Variants in DAB1 observed in about 807,000 individuals in gnomAD.
DAB1 encodes the protein disabled homolog 1.
A neutral mutation model predicts 64.6 loss-of-function variants in DAB1; 15 were observed. That is an observed-to-expected ratio of 0.23 (90% CI 0.16 to 0.36). The LOEUF is 0.36. Among genes scored for constraint, DAB1 ranks in the 10% least tolerant of loss-of-function variants. DAB1 has a pLI of 1.00. For missense variants in DAB1, 596 were observed against 706.7 expected (o/e 0.84, Z 1.78); for synonymous variants, 235 against 251.9 (o/e 0.93, Z 0.64).
chr1:57,069,237 T>C lies in DAB1; in HGVS notation c.663+123A>G, dbSNP rs534857619. The C allele has an allele frequency of 9.2e-6, 7 of 761,836 alleles. No individual in the cohort carries two copies. The African/African-American group carries it at 1.0e-4, about 11-fold the overall frequency. 47.2% of individuals were successfully genotyped at this position (761,836 alleles called of 1,614,324 possible). A position where few individuals can be genotyped will look rare whatever the true frequency, so the allele number is the denominator to read the frequency against. On this transcript the variant is annotated intron_variant, in intron 8 of 14. Transcript: ENST00000371236. ...AATTGCTGGGGAACTAGAAGCCATT[T>C]CACTCAAAGGTATTTTAACAAGCCA...
intron 9 of DAB1, among the ~76,000 whole-genome samples, chr1:57,044,437 AAACGAT>A (rs1445857140): frequency 2.0e-5 from 3 of 152,208 alleles, no homozygotes; most frequent in Admixed American, 2.0e-4. Context: ...AGAAACTATA[AAACGAT>A]AACAAAAAAG....
intron 2 of DAB1, among the ~76,000 whole-genome samples, chr1:57,168,775 G>T (rs1211904249): frequency 6.6e-6 from 1 of 152,162 alleles, no homozygotes; most frequent in Non-Finnish European, 1.5e-5. Context: ...AGAGAAATCA[G>T]CTGGGTGCAG....
chr1:57,441,070 C>CA (rs936716690), intron 7 of DAB1, among the ~76,000 whole-genome samples: 87 of 148,586 alleles, frequency 5.9e-4, no homozygotes, highest in African/African-American at 1.1e-3. Context: ...CCCATAAAGA[C>CA]AAAAAAAAAT....
At chr1:57,488,762 A>G (rs1363789158) in intron 7 of DAB1, among the ~76,000 whole-genome samples, 1 of 152,174 alleles carries the variant, frequency 6.6e-6, no homozygotes, top group South Asian at 2.1e-4. Context: ...AGTAACATAC[A>G]TAGCTAGACT....
intron 9 of DAB1, among the ~76,000 whole-genome samples, chr1:57,054,371 T>C (rs1278391783): frequency 2.6e-5 from 4 of 151,934 alleles, no homozygotes; most frequent in Admixed American, 6.6e-5. Flanking sequence ...CTGTGGGACC[T>C]GAGTCATGTT....
rs573467686 is a variant in DAB1, at chr1:57,356,462, C to T, written c.-136-65296G>A. On this transcript the variant is annotated intron_variant, in intron 1 of 14. Coordinates refer to ENST00000371236, the MANE Select transcript of DAB1 (RefSeq NM_001365792.1). ...TTGTTTTATGCTTTTGATGATATCA[C>T]ATTTATTTCCACTCCTTGGGAAGCT... Among the ~76,000 whole-genome samples the T allele has an allele frequency of 3.3e-5, 5 of 152,164 alleles. No individual in the cohort carries two copies. The East Asian group carries it at 9.7e-4, about 29-fold the overall frequency.
intron 5 of DAB1, among the ~76,000 whole-genome samples, chr1:58,121,382 A>T (rs1405720278): frequency 6.6e-6 from 1 of 152,098 alleles, no homozygotes; most frequent in African/African-American, 2.4e-5. Flanking sequence ...TTCTGATTGT[A>T]AAAGGGCTAC....
intron 7 of DAB1, among the ~76,000 whole-genome samples, chr1:57,434,487 G>C (rs1234647367): frequency 6.6e-6 from 1 of 152,198 alleles, no homozygotes; most frequent in Non-Finnish European, 1.5e-5. Flanking sequence ...GTGGAGATAG[G>C]TTACCTGGAA....
intron 1 of DAB1, among the ~76,000 whole-genome samples, chr1:57,342,496 T>C (rs370104295): frequency 4.9e-4 from 74 of 152,262 alleles, no homozygotes; most frequent in African/African-American, 1.8e-3. Context: ...AACAAAAAAA[T>C]AAAAGCAATA....
At chr1:57,127,215 A>G (rs1657200560) in intron 4 of DAB1, among the ~76,000 whole-genome samples, 1 of 152,228 alleles carries the variant, frequency 6.6e-6, no homozygotes, top group Non-Finnish European at 1.5e-5. Flanking sequence ...TAGACTCCAT[A>G]TAAAGCAATC....
At chr1:57,869,592 T>C (rs928566486) in intron 1 of DAB1, among the ~76,000 whole-genome samples, 18 of 151,984 alleles carry the variant, frequency 1.2e-4, no homozygotes, top group African/African-American at 4.1e-4. Flanking sequence ...CACAAGGTAA[T>C]AGAAGTCAAA....
At chr1:58,375,205 T>G (rs907396847) in intron 3 of DAB1, among the ~76,000 whole-genome samples, 10 of 148,468 alleles carry the variant, frequency 6.7e-5, no homozygotes, top group East Asian at 3.9e-4. Flanking sequence ...TGGCCAGAAC[T>G]TCCAACACTA....
At chr1:58,256,198 T>C (rs1660924744) in intron 4 of DAB1, among the ~76,000 whole-genome samples, 1 of 152,238 alleles carries the variant, frequency 6.6e-6, no homozygotes, top group Non-Finnish European at 1.5e-5. Context: ...TTCACTATCA[T>C]TGGCATTGTT....
At chr1:57,513,883 T>C (rs1247215728) in intron 7 of DAB1, among the ~76,000 whole-genome samples, 12 of 151,732 alleles carry the variant, frequency 7.9e-5, no homozygotes, top group Non-Finnish European at 1.5e-5. Context: ...GTGACCACCA[T>C]TTCACTCTCT....
chr1:58,484,214 T>G lies in DAB1; in HGVS notation n.257+21846A>C, dbSNP rs534495791. Among the ~76,000 whole-genome samples the G allele has an allele frequency of 7.2e-5, 11 of 152,354 alleles. No individual in the cohort carries two copies. In the South Asian group the frequency reaches 2.3e-3, roughly 32 times the overall value. On this transcript the variant is annotated intron_variant and non_coding_transcript_variant, in intron 3 of 20. Transcript: ENST00000485760. ...CTTTGTATTTCTCCGTTACTGGGCATTAGAATTGTTCCCACAGTTGTGTCT... is the reference window on the plus strand; with the variant it reads ...CTTTGTATTTCTCCGTTACTGGGCAGTAGAATTGTTCCCACAGTTGTGTCT...
chr1:57,829,265 T>G (rs1021797825), intron 1 of DAB1, among the ~76,000 whole-genome samples: 1 of 152,196 alleles, frequency 6.6e-6, no homozygotes, highest in African/African-American at 2.4e-5. Context: ...TTTAAGAAGT[T>G]CGCTTAAGAA....
At chr1:57,408,616 A>G (rs1198654517) in intron 1 of DAB1, among the ~76,000 whole-genome samples, 1 of 152,136 alleles carries the variant, frequency 6.6e-6, no homozygotes, top group Non-Finnish European at 1.5e-5. Context: ...CCTTGCCAAT[A>G]CAGAGTCCAC....
chr1:57,957,658 G>A (rs1397573884), intron 5 of DAB1, among the ~76,000 whole-genome samples: 1 of 152,144 alleles, frequency 6.6e-6, no homozygotes, highest in Non-Finnish European at 1.5e-5. Flanking sequence ...CCACACCGCA[G>A]TTCAGAGTTT....
intron 2 of DAB1, among the ~76,000 whole-genome samples, chr1:58,516,646 T>C (rs1246807283): frequency 1.3e-5 from 2 of 152,148 alleles, no homozygotes; most frequent in Admixed American, 1.3e-4. Context: ...CTAGGGAAAG[T>C]GGGCTGCCTA....
Sources: gnomAD v4.1 joint callset for allele counts (sites outside exome capture counted in the v4.1 genomes callset) on GRCh38, gnomAD v4.1.1 for gene constraint, MANE v1.5 for transcripts, NCBI Gene and HGNC (gene_info 2026-07-23, HGNC 2026-07-21) for gene names.